Variants in GFI1 observed in about 807,000 individuals in gnomAD.
GFI1 encodes the protein zinc finger protein Gfi-1.
Under a neutral mutation model 39.2 loss-of-function variants are expected in GFI1, and 15 were observed. The observed-to-expected ratio is 0.38, with a 90% confidence interval of 0.26 to 0.59. GFI1 has a LOEUF of 0.59. Among genes scored for constraint, GFI1 ranks in the 20% least tolerant of loss-of-function variants. The pLI is 0.62. For synonymous variants in GFI1, 239 were observed against 254.3 expected (o/e 0.94, Z 0.57); for missense variants, 475 against 574.0 (o/e 0.83, Z 1.76).
At chr1:92,478,897 C>G in intron 5 of GFI1, 144 bp from the exon 6 acceptor site, 2 of 1,090,148 alleles carry the variant, frequency 1.8e-6, no homozygotes, top group South Asian at 1.5e-5. Flanking sequence ...GAGACAGTCT[C>G]CTCTGTCGCC....
Position 92,481,135 on chromosome 1 carries a change from G to T in GFI1, c.299-47C>A, listed in dbSNP as rs1393171557. ...GTCCGGTCAGGCTTCAGACGGCAGAGCGGAGGCCGCCGGGCTGCGGCTGCG... is the reference window on the plus strand; with the variant it reads ...GTCCGGTCAGGCTTCAGACGGCAGATCGGAGGCCGCCGGGCTGCGGCTGCG... On this transcript the variant is annotated intron_variant, in intron 3 of 6. Transcript: ENST00000294702. This position sits in a 1 kb window ranked among gnomAD's most constrained non-coding sequence, Gnocchi z 4.3. 1 of 1,526,544 alleles carries T rather than the reference G, an allele frequency of 6.6e-7. No individual in the cohort carries two copies. Among genetic ancestry groups the T allele is most frequent in the East Asian group, 2.3e-5 (1 of 43,218 alleles). 94.6% of individuals were successfully genotyped at this position (1,526,544 alleles called of 1,614,324 possible). A position where few individuals can be genotyped will look rare whatever the true frequency, so the allele number is the denominator to read the frequency against.
At chr1:92,478,456 T>C (rs1339975187) in intron 6 of GFI1, 132 bp downstream of exon 6, 1 of 789,586 alleles carries the variant, frequency 1.3e-6, no homozygotes, top group Non-Finnish European at 2.2e-6. Flanking sequence ...CCCTTTGTTT[T>C]CTTTAACACA....
In GFI1 at chr1:92,474,537, C is replaced by G. The variant is rs540600364; in HGVS notation, c.*1492G>C. Among the ~76,000 whole-genome samples, 1 of 152,290 alleles carries G rather than the reference C, an allele frequency of 6.6e-6. No individual in the cohort carries two copies. The highest frequency in any genetic ancestry group is 1.5e-5 in the Non-Finnish European group (1 of 68,022). Reference sequence around the variant, plus strand: ...GGTAGTAGCTTAGTTTTGTACACCTCCTAGTTTTTCTCTTATGAAAGAAGA... The same window carrying G: ...GGTAGTAGCTTAGTTTTGTACACCTGCTAGTTTTTCTCTTATGAAAGAAGA... On this transcript the variant is annotated 3_prime_UTR_variant, in exon 7 of 7. Transcript: ENST00000294702.
chr1:92,479,518 C>G (rs1287177637), intron 5 of GFI1, among the ~76,000 whole-genome samples: 1 of 152,176 alleles, frequency 6.6e-6, no homozygotes, highest in East Asian at 1.9e-4. Context: ...TACTTGGCAC[C>G]TGGAAGTTAG....
chr1:92,483,173 G>T (rs951137300), intron 2 of GFI1, 127 bp from the exon 3 acceptor site: 18 of 927,518 alleles, frequency 1.9e-5, no homozygotes, highest in African/African-American at 3.3e-5. Flanking sequence ...CCCCGGCCGG[G>T]AACCCTCTCG....
rs1220611430 is a variant in GFI1 at position 92,475,818 on chromosome 1, C to T, written c.*211G>A. On this transcript the variant is annotated 3_prime_UTR_variant, in exon 7 of 7. Transcript: ENST00000294702. Reference sequence around the variant, plus strand: ...AGCCTAGAGAGTCACTTGGTTCTCACTCTCGGCTGCACTTTGAAAAGGTAC... The same window carrying T: ...AGCCTAGAGAGTCACTTGGTTCTCATTCTCGGCTGCACTTTGAAAAGGTAC... 11 of 597,068 alleles carry T rather than the reference C, an allele frequency of 1.8e-5. No individual in the cohort carries two copies. In the East Asian group the frequency reaches 3.1e-4, roughly 17 times the overall value. 37.0% of individuals were successfully genotyped at this position (597,068 alleles called of 1,614,324 possible).
chr1:92,483,441 T>C lies in GFI1; in HGVS notation c.47A>G (p.His16Arg). The C allele has an allele frequency of 6.2e-7, 1 of 1,613,072 alleles. No homozygotes were observed. The highest frequency in any genetic ancestry group is 8.5e-7 in the Non-Finnish European group (1 of 1,179,224). Residue 16 changes from histidine to arginine, a missense_variant, in exon 2 of 7, where the codon CAC (histidine) becomes CGC (arginine). Physicochemically the swap from His to Arg is conservative, Grantham distance 29. Coordinates refer to ENST00000294702, the MANE Select transcript of GFI1 (RefSeq NM_005263.5). ...LVKSKKAHSYHQPRSPGPDYS... is the reference protein window; with the variant it reads ...LVKSKKAHSYRQPRSPGPDYS... ...GTCTGGTCCTGGGGAGCGCGGCTGG[T>C]GGTAGCTGTGAGCCTTCTTGCTTTT...
intron 6 of GFI1, among the ~76,000 whole-genome samples, 175 bp from the exon 7 acceptor site, chr1:92,476,382 T>A (rs1283506027): frequency 6.6e-6 from 1 of 152,088 alleles, no homozygotes; most frequent in African/African-American, 2.4e-5. Flanking sequence ...GCAATGCGAG[T>A]CCCTGGAAGC....
At position 92,483,050 on chromosome 1, in the gene GFI1, C is replaced by T. The variant is rs1208434649; in HGVS notation, c.116-4G>A. 1.3e-6 allele frequency: 2 copies of T among 1,581,234 alleles called. No individual in the cohort carries two copies. The highest frequency in any genetic ancestry group is 3.4e-5 in the Admixed American group (2 of 58,488). ...CCGCCTGCATTTGAAGTGCTGTCTG[C>T]AAAGAGGAGGCAGGTGAGGGGCTCA... On this transcript the variant is annotated splice_region_variant and splice_polypyrimidine_tract_variant and intron_variant, in intron 2 of 6. Transcript: ENST00000294702.
chr1:92,481,970 T>C lies in GFI1; in HGVS notation c.299-882A>G, dbSNP rs544624439. On this transcript the variant is annotated intron_variant, in intron 3 of 6. Coordinates refer to ENST00000294702, the MANE Select transcript of GFI1 (RefSeq NM_005263.5). This position sits in a 1 kb window ranked among gnomAD's most constrained non-coding sequence, Gnocchi z 4.3. Reference sequence around the variant, plus strand: ...GTGTGTGTGCGCACAACACTCCAGTTCAGGCTGGCCACTTCAGTGAGAGGC... The same window carrying C: ...GTGTGTGTGCGCACAACACTCCAGTCCAGGCTGGCCACTTCAGTGAGAGGC... 0.064 allele frequency among the ~76,000 whole-genome samples: 1,957 copies of C among 30,362 alleles called. 44 individuals are homozygous for C. The highest frequency in any genetic ancestry group is 0.17 in the African/African-American group (1,820 of 10,450). The allele number at this position is 30,362 out of a possible 152,430, so 19.9% of individuals were successfully genotyped here. A position where few individuals can be genotyped will look rare whatever the true frequency, so the allele number is the denominator to read the frequency against.
In GFI1 at chr1:92,484,133, A is replaced by G. The variant is rs1658422293; in HGVS notation, c.-99-547T>C. Among the ~76,000 whole-genome samples the G allele has an allele frequency of 6.6e-6, 1 of 152,138 alleles. No individual in the cohort carries two copies. The highest frequency in any genetic ancestry group is 1.5e-5 in the Non-Finnish European group (1 of 68,020). On this transcript the variant is annotated intron_variant, in intron 1 of 6. Coordinates refer to ENST00000294702, the MANE Select transcript of GFI1 (RefSeq NM_005263.5). The surrounding 1 kb of genome is among the most constrained non-coding windows in gnomAD (Gnocchi z 4.1). ...CCGGGGGGAGGGGGGAACAGAACAC[A>G]AGATAAAACTGTGGGGCGGCGGGAG...
chr1:92,476,053 C>G lies in GFI1; in HGVS notation c.1245G>C (p.Arg415=), dbSNP rs376151566. The change falls in exon 7 of 7, where the codon CGG becomes CGC. Residue 415 remains arginine (R), a synonymous_variant. Coordinates refer to ENST00000294702, the MANE Select transcript of GFI1 (RefSeq NM_005263.5). ...CTCATTTGAGCCCATGCTGCGTCTCCCGGTGCCTTCGGAGGTCCACCTTCC... is the reference window on the plus strand; with the variant it reads ...CTCATTTGAGCCCATGCTGCGTCTCGCGGTGCCTTCGGAGGTCCACCTTCC... ...FQRKVDLRRH[R]ETQHGLK 4.4e-5 allele frequency: 71 copies of G among 1,614,000 alleles called. No homozygotes were observed. In the African/African-American group the frequency reaches 8.4e-4, roughly 19 times the overall value.
chr1:92,482,575 G>T lies in GFI1; in HGVS notation c.298+289C>A, dbSNP rs1658313368. ...AAATGAAAGGTCAGCGTTGCCGCCAGTCGAAACGACTGGTTTGTTTTCCGT... is the reference window on the plus strand; with the variant it reads ...AAATGAAAGGTCAGCGTTGCCGCCATTCGAAACGACTGGTTTGTTTTCCGT... On this transcript the variant is annotated intron_variant, in intron 3 of 6. Transcript: ENST00000294702. The surrounding 1 kb of genome is among the most constrained non-coding windows in gnomAD (Gnocchi z 4.4). Among the ~76,000 whole-genome samples the T allele has an allele frequency of 6.6e-6, 1 of 152,220 alleles. No homozygotes were observed. Among genetic ancestry groups the T allele is most frequent in the Non-Finnish European group, 1.5e-5 (1 of 68,050 alleles).
chr1:92,478,492 G>A (rs1658063568), intron 6 of GFI1, 96 bp downstream of exon 6: 1 of 1,004,672 alleles, frequency 1.0e-6, no homozygotes, highest in African/African-American at 1.6e-5. Context: ...CCATCAGAAA[G>A]GCCTCATCCA....
Position 92,483,002 on chromosome 1 carries a change from G to A in GFI1, c.160C>T (p.Arg54Cys), listed in dbSNP as rs746066712. Residue 54 changes from arginine (R) to cysteine (C), a missense_variant, in exon 3 of 7, where the codon CGT (arginine) becomes TGT (cysteine). Physicochemically the swap from Arg to Cys is radical, Grantham distance 180. Transcript: ENST00000294702. ...AGGAKAEPRDRLSPESQLTEA... is the reference protein window; with the variant it reads ...AGGAKAEPRDCLSPESQLTEA... ...GTCAGCTGCGATTCGGGGGACAAAC[G>A]GTCCCGGGGCTCCGCCTTCGCCCCG... The A allele has an allele frequency of 1.9e-6, 3 of 1,608,828 alleles. No individual in the cohort carries two copies. The highest frequency in any genetic ancestry group is 4.5e-5 in the East Asian group (2 of 44,772).
rs187267406 is a variant in GFI1, at chr1:92,482,655, G to T, written c.298+209C>A. Among the ~76,000 whole-genome samples, 239 of 152,320 alleles carry T rather than the reference G, an allele frequency of 1.6e-3. No homozygotes were observed. The highest frequency in any genetic ancestry group is 2.7e-3 in the Non-Finnish European group (187 of 68,034). ...AGCGACAAGCAGCTAGGGTCCTGCC[G>T]CCTGGGATGGAGGCAGCAGCCCCAG... On this transcript the variant is annotated intron_variant, in intron 3 of 6. Coordinates refer to ENST00000294702, the MANE Select transcript of GFI1 (RefSeq NM_005263.5). The surrounding 1 kb of genome is among the most constrained non-coding windows in gnomAD (Gnocchi z 4.4).
chr1:92,475,652 G>T lies in GFI1; in HGVS notation c.*377C>A, dbSNP rs181006530. Reference sequence around the variant, plus strand: ...CAAATATCTGGGGTAGGTCAAGAGGGGGGAGGGAAGAAACCTGAAGGGCAT... The same window carrying T: ...CAAATATCTGGGGTAGGTCAAGAGGTGGGAGGGAAGAAACCTGAAGGGCAT... On this transcript the variant is annotated 3_prime_UTR_variant, in exon 7 of 7. Coordinates refer to ENST00000294702, the MANE Select transcript of GFI1 (RefSeq NM_005263.5). 1 of 301,550 alleles carries T rather than the reference G, an allele frequency of 3.3e-6. No homozygotes were observed. The highest frequency in any genetic ancestry group is 3.5e-5 in the South Asian group (1 of 28,564). 18.7% of individuals were successfully genotyped at this position (301,550 alleles called of 1,614,324 possible). A position where few individuals can be genotyped will look rare whatever the true frequency, so the allele number is the denominator to read the frequency against.
At chr1:92,479,379 G>A (rs1266811337) in intron 5 of GFI1, among the ~76,000 whole-genome samples, 1 of 152,154 alleles carries the variant, frequency 6.6e-6, no homozygotes, top group African/African-American at 2.4e-5. Flanking sequence ...TTTAGCCTTC[G>A]TAAGTAGGCA....
Position 92,480,633 on chromosome 1 carries a change from C to G in GFI1, c.754G>C (p.Gly252Arg), listed in dbSNP as rs1268470605. The change falls in exon 4 of 7, where the codon GGC becomes CGC. Residue 252 changes from glycine to arginine, a missense_variant. Transcript: ENST00000294702. This position sits in a 1 kb window ranked among gnomAD's most constrained non-coding sequence, Gnocchi z 5.6. ...ELLCTRLLLGGGSYKCIKCSK... is the reference protein window; with the variant it reads ...ELLCTRLLLGRGSYKCIKCSK... The stretch of plus-strand genomic sequence containing the variant: ...CACTTGATGCACTTGTAGGAGCCGC[C>G]GCCCAGCAGCAGGCGGGTGCACAGC... 6.3e-7 allele frequency: 1 copy of G among 1,582,692 alleles called. No homozygotes were observed. Among genetic ancestry groups the G allele is most frequent in the Non-Finnish European group, 8.5e-7 (1 of 1,170,594 alleles).
Sources: allele counts gnomAD v4.1 joint callset (sites outside exome capture counted in the v4.1 genomes callset), GRCh38; gene constraint gnomAD v4.1.1; non-coding constraint Gnocchi (gnomAD v3.1); transcripts MANE v1.5; gene names NCBI Gene and HGNC (gene_info 2026-07-23, HGNC 2026-07-21).